TMEM131: variants seen among roughly 807,000 people sequenced by gnomAD.
The protein encoded by TMEM131 is 2610524E03Rik.
TMEM131 carries 66 observed loss-of-function variants against 211.6 expected under a neutral mutation model. The ratio of observed to expected loss-of-function variants is 0.31; its 90% CI spans 0.26 to 0.38. TMEM131 has a LOEUF of 0.38. Ranked by LOEUF, TMEM131 falls within the 10% of genes least tolerant of loss-of-function variation. The pLI is 1.00. For missense variants in TMEM131, 2,036 were observed against 2,299.3 expected, an observed-to-expected ratio of 0.89 and a Z score of 2.34; for synonymous variants, 844 against 841.3, an observed-to-expected ratio of 1.00 and a Z score of -0.06.
intron 4 of TMEM131, among the ~76,000 whole-genome samples, chr2:97,862,814 T>A (rs1412689717): frequency 6.6e-6 from 1 of 152,112 alleles, no homozygotes; most frequent in Admixed American, 6.5e-5. Context: ...GGGTAGAAAG[T>A]TTATTTAAAG....
chr2:97,881,175 G>A (rs915140039), intron 4 of TMEM131, among the ~76,000 whole-genome samples: 12 of 152,000 alleles, frequency 7.9e-5, no homozygotes, highest in East Asian at 3.9e-4. Flanking sequence ...GATGATTGCC[G>A]CAGTATCCTA....
chr2:97,776,779 C>T lies in TMEM131; in HGVS notation c.4145-761G>A, dbSNP rs141088966. ...CTTCCCTTTAGGGGCGCTAAGAGTCCCAGCAGTGTAGCCATAATGGCTGGG... is the reference window on the plus strand; with the variant it reads ...CTTCCCTTTAGGGGCGCTAAGAGTCTCAGCAGTGTAGCCATAATGGCTGGG... On this transcript the variant is annotated intron_variant, in intron 31 of 40. Transcript: ENST00000186436. Among the ~76,000 whole-genome samples the T allele has an allele frequency of 1.0e-2, 1,516 of 152,278 alleles. 14 individuals carry two copies. Among genetic ancestry groups the T allele is most frequent in the South Asian group, 0.024 (116 of 4,828 alleles).
chr2:97,806,126 G>C (rs1189236890), intron 19 of TMEM131, among the ~76,000 whole-genome samples: 2 of 152,058 alleles, frequency 1.3e-5, no homozygotes, highest in Non-Finnish European at 2.9e-5. Context: ...AAGCCAAAGG[G>C]GACAAAATCA....
At chr2:97,776,209 A>G (rs1679720718) in intron 31 of TMEM131, among the ~76,000 whole-genome samples, 191 bp from the exon 32 acceptor site, 1 of 152,004 alleles carries the variant, frequency 6.6e-6, no homozygotes, top group South Asian at 2.1e-4. Flanking sequence ...GCCCGCCACC[A>G]TGCCCAGCTA....
chr2:97,913,714 G>C (rs1676386049), intron 2 of TMEM131, among the ~76,000 whole-genome samples: 1 of 152,166 alleles, frequency 6.6e-6, no homozygotes, highest in South Asian at 2.1e-4. Flanking sequence ...TTCAGAATGA[G>C]GTACGTGGCA....
chr2:97,775,361 T>C (rs1302171562), intron 32 of TMEM131, among the ~76,000 whole-genome samples: 4 of 152,056 alleles, frequency 2.6e-5, no homozygotes, highest in East Asian at 1.9e-4. Flanking sequence ...CCACACTCCC[T>C]CCAGGGCGGT....
intron 11 of TMEM131, among the ~76,000 whole-genome samples, chr2:97,828,676 G>T (rs1010211257): frequency 3.9e-5 from 6 of 152,228 alleles, no homozygotes; most frequent in African/African-American, 1.4e-4. Flanking sequence ...TGCTGAGAAA[G>T]GAGGACTTTG....
intron 28 of TMEM131, 24 bp from the exon 29 acceptor site, chr2:97,795,139 G>A: frequency 6.3e-7 from 1 of 1,575,156 alleles, no homozygotes; most frequent in South Asian, 1.2e-5. Context: ...ATGGTAGTAA[G>A]GCTAAGTTTT....
At chr2:97,845,748 A>C (rs887749433) in intron 5 of TMEM131, among the ~76,000 whole-genome samples, 3 of 144,614 alleles carry the variant, frequency 2.1e-5, no homozygotes, top group Admixed American at 2.1e-4. Flanking sequence ...GAAATAGAAA[A>C]CAGAAAGTAG....
chr2:97,865,972 T>C (rs567360031), intron 4 of TMEM131, among the ~76,000 whole-genome samples: 1 of 152,196 alleles, frequency 6.6e-6, no homozygotes, highest in Admixed American at 6.5e-5. Flanking sequence ...AAGCTCCGCC[T>C]CCTGGGTTCA....
At position 97,811,220 on chromosome 2, in the gene TMEM131, A is replaced by G. The variant is rs774673755; in HGVS notation, c.1876T>C (p.Ser626Pro). ...LSDQSSVTLASGYFAVFRVKL... is the reference protein window; with the variant it reads ...LSDQSSVTLAPGYFAVFRVKL... The stretch of plus-strand genomic sequence containing the variant: ...ACTCTGAAGACTGCAAAATAGCCTG[A>G]AGCTAATGTTACCTGTAGATAGTAG... The change falls in exon 18 of 41, where the codon TCA becomes CCA. Residue 626 changes from serine to proline, a missense_variant. By Grantham distance (74) the Ser-to-Pro change is moderately conservative. Around this residue, in one of 3 missense-constraint regions of TMEM131, gnomAD observed 1,623 missense variants for 1,805.9 expected, o/e 0.90. Transcript: ENST00000186436. 3 of 1,613,034 alleles carry G rather than the reference A, an allele frequency of 1.9e-6. No individual in the cohort carries two copies. Among genetic ancestry groups the G allele is most frequent in the African/African-American group, 2.7e-5 (2 of 74,886 alleles).
chr2:97,904,129 C>T (rs1273108948), intron 3 of TMEM131, among the ~76,000 whole-genome samples: 1 of 151,960 alleles, frequency 6.6e-6, no homozygotes, highest in East Asian at 1.9e-4. Flanking sequence ...AAATAAAAGA[C>T]GTTAATGGGA....
In TMEM131 at chr2:97,992,731, T is replaced by G. The variant is rs556262916; in HGVS notation, c.187+2745A>C. 7.8e-4 allele frequency among the ~76,000 whole-genome samples: 119 copies of G among 152,318 alleles called. No individual in the cohort carries two copies. The Middle Eastern group carries it at 0.02, about 26-fold the overall frequency. ...TACATTTAATATATACACATACACA[T>G]GTATTTTCACTATATATTTTAAAAA... On this transcript the variant is annotated intron_variant, in intron 1 of 40. Coordinates refer to ENST00000186436, the MANE Select transcript of TMEM131 (RefSeq NM_015348.2).
chr2:97,887,016 G>A (rs1675190469), intron 4 of TMEM131, among the ~76,000 whole-genome samples: 1 of 152,242 alleles, frequency 6.6e-6, no homozygotes, highest in Non-Finnish European at 1.5e-5. Context: ...GTGGGATGCA[G>A]TCTCATGGCT....
At chr2:97,803,189 T>C (rs1429897200) in intron 22 of TMEM131, among the ~76,000 whole-genome samples, 5 of 152,208 alleles carry the variant, frequency 3.3e-5, no homozygotes, top group Admixed American at 6.5e-5. Context: ...ACGCAGATCC[T>C]AAAGGATCTT....
At chr2:97,974,922 C>T (rs988006245) in intron 1 of TMEM131, among the ~76,000 whole-genome samples, 3 of 152,006 alleles carry the variant, frequency 2.0e-5, no homozygotes, top group Non-Finnish European at 2.9e-5. Context: ...ATAAAGCAGG[C>T]AAAAAATCAG....
intron 1 of TMEM131, among the ~76,000 whole-genome samples, chr2:97,965,639 G>C (rs1369150733): frequency 7.6e-6 from 1 of 131,028 alleles, no homozygotes; most frequent in East Asian, 2.1e-4. Flanking sequence ...AAGCCCCATG[G>C]CTGGGCACCA....
intron 3 of TMEM131, among the ~76,000 whole-genome samples, chr2:97,903,182 T>G (rs1233432364): frequency 6.6e-6 from 1 of 152,078 alleles, no homozygotes; most frequent in African/African-American, 2.4e-5. Context: ...GCAAGGAAAT[T>G]ACAAAACAAG....
At chr2:97,941,060 C>T (rs1677703540) in intron 1 of TMEM131, among the ~76,000 whole-genome samples, 1 of 152,138 alleles carries the variant, frequency 6.6e-6, no homozygotes, top group East Asian at 1.9e-4. Flanking sequence ...ATCACACTAC[C>T]TGACTTCAAA....
Sources: gnomAD v4.1 joint callset for allele counts (sites outside exome capture counted in the v4.1 genomes callset) on GRCh38, gnomAD v4.1.1 for gene constraint, gnomAD v4.1.1 regional missense constraint, MANE v1.5 for transcripts, NCBI Gene and HGNC (gene_info 2026-07-23, HGNC 2026-07-21) for gene names.